Variants in TRAF3IP3 observed in about 807,000 individuals in gnomAD.
The protein encoded by TRAF3IP3 is TRAF3-interacting JNK-activating modulator.
Under a neutral mutation model 86.5 loss-of-function variants are expected in TRAF3IP3, and 64 were observed. That is an observed-to-expected ratio of 0.74 (90% CI 0.60 to 0.91). The LOEUF is 0.91. Ranked by LOEUF, TRAF3IP3 falls within the 40% of genes least tolerant of loss-of-function variation. The pLI is 0.00. For missense variants in TRAF3IP3, 579 were observed against 642.9 expected, an observed-to-expected ratio of 0.90 and a Z score of 1.07; for synonymous variants, 220 against 243.9, an observed-to-expected ratio of 0.90 and a Z score of 0.91.
intron 8 of TRAF3IP3, chr1:209,768,632 A>G: frequency 9.1e-6 from 9 of 985,820 alleles, no homozygotes; most frequent in Non-Finnish European, 1.1e-5. Context: ...ACGCAGAAGC[A>G]GGAGCTGAAG....
intron 8 of TRAF3IP3, among the ~76,000 whole-genome samples, chr1:209,764,287 A>G (rs2077299233): frequency 1.3e-5 from 2 of 152,216 alleles, no homozygotes; most frequent in Non-Finnish European, 2.9e-5. Context: ...ACTAAACAAT[A>G]CAAAAACATG....
At chr1:209,772,652 C>G (rs977669439) in intron 8 of TRAF3IP3, among the ~76,000 whole-genome samples, 13 of 151,734 alleles carry the variant, frequency 8.6e-5, no homozygotes, top group African/African-American at 2.9e-4. Flanking sequence ...GAAAGGGTAG[C>G]TTAGAAGCTT....
rs770934984 is a variant in TRAF3IP3 at position 209,762,882 on chromosome 1, AC to A, written c.551+15del. On this transcript the variant is annotated intron_variant, in intron 5 of 16. Coordinates refer to ENST00000367025, the MANE Select transcript of TRAF3IP3 (RefSeq NM_025228.4). ...AGTCAGCAAACCAAGTGAGTTCCTGACCCTAACCCTCTCACATCCCATCCAT... is the reference window on the plus strand; with the variant it reads ...AGTCAGCAAACCAAGTGAGTTCCTGACCTAACCCTCTCACATCCCATCCAT... The A allele has an allele frequency of 2.6e-5, 42 of 1,614,068 alleles. No individual in the cohort carries two copies. The South Asian group carries it at 4.3e-4, about 16-fold the overall frequency.
In TRAF3IP3 at chr1:209,770,955, T is replaced by G. The variant is rs543218242; in HGVS notation, c.703-1993T>G. ...GTGCAGGTGGAGGTGTGCGTGTGCATGTGGAGGGGTGCGTGTGCATGTGGA... is the reference window on the plus strand; with the variant it reads ...GTGCAGGTGGAGGTGTGCGTGTGCAGGTGGAGGGGTGCGTGTGCATGTGGA... On this transcript the variant is annotated intron_variant, in intron 8 of 16. Transcript: ENST00000367025. 5.7e-3 allele frequency among the ~76,000 whole-genome samples: 606 copies of G among 105,948 alleles called. 2 individuals carry two copies. Among genetic ancestry groups the G allele is most frequent in the African/African-American group, 0.013 (351 of 27,092 alleles). The allele number at this position is 105,948 out of a possible 152,430, so 69.5% of individuals were successfully genotyped here.
At chr1:209,766,181 G>A (rs1336706689) in intron 8 of TRAF3IP3, among the ~76,000 whole-genome samples, 2 of 152,182 alleles carry the variant, frequency 1.3e-5, no homozygotes, top group Admixed American at 6.5e-5. Flanking sequence ...TGCTCCTCAC[G>A]TCAGACATTG....
intron 13 of TRAF3IP3, 66 bp downstream of exon 13, chr1:209,778,239 AC>A: frequency 7.1e-7 from 1 of 1,402,068 alleles, no homozygotes; most frequent in Non-Finnish European, 1.0e-6. Flanking sequence ...CACAAAAGGC[AC>A]CCAGAGTAGG....
intron 3 of TRAF3IP3, among the ~76,000 whole-genome samples, chr1:209,761,876 A>AG (rs1299772286): frequency 6.6e-6 from 1 of 150,808 alleles, no homozygotes; most frequent in African/African-American, 2.5e-5. Context: ...AGGTAGAGAG[A>AG]GAAAAAAAAA....
intron 8 of TRAF3IP3, among the ~76,000 whole-genome samples, chr1:209,765,560 A>G (rs2077341301): frequency 2.0e-5 from 3 of 152,070 alleles, no homozygotes; most frequent in Non-Finnish European, 4.4e-5. Flanking sequence ...TTAGGAACTC[A>G]GGAGGCTAAG....
At chr1:209,780,715 A>T (rs2077758971) in intron 15 of TRAF3IP3, 109 bp downstream of exon 15, 1 of 1,061,536 alleles carries the variant, frequency 9.4e-7, no homozygotes, top group Non-Finnish European at 1.3e-6. Flanking sequence ...GTGGATAACC[A>T]CAGACATTCA....
At chr1:209,771,152 G>A (rs1220140812) in intron 8 of TRAF3IP3, among the ~76,000 whole-genome samples, 3 of 148,092 alleles carry the variant, frequency 2.0e-5, no homozygotes, top group Non-Finnish European at 4.5e-5. Flanking sequence ...GTGTGCATGT[G>A]AAGGTTGTGT....
chr1:209,777,558 A>G (rs2102511660), intron 12 of TRAF3IP3, 71 bp downstream of exon 12: 1 of 1,460,970 alleles, frequency 6.8e-7, no homozygotes. Flanking sequence ...AAGAAACTGA[A>G]TTAAGAGAAA....
chr1:209,779,437 C>T (rs1252186576), intron 14 of TRAF3IP3, 63 bp downstream of exon 14: 1 of 1,426,684 alleles, frequency 7.0e-7, no homozygotes. Flanking sequence ...CTAGAGGCAG[C>T]GGGATGGACT....
chr1:209,761,734 C>T (rs2077248259), intron 3 of TRAF3IP3, among the ~76,000 whole-genome samples: 1 of 152,262 alleles, frequency 6.6e-6, no homozygotes, highest in South Asian at 2.1e-4. Flanking sequence ...CTATTCCAAA[C>T]TCCTCACTAC....
At chr1:209,775,248 G>T (rs1229137942) in intron 9 of TRAF3IP3, 101 bp from the exon 10 acceptor site, 21 of 1,162,222 alleles carry the variant, frequency 1.8e-5, no homozygotes, top group Non-Finnish European at 2.4e-5. Context: ...TGGTATCTCT[G>T]CCTGGGGGAA....
intron 8 of TRAF3IP3, among the ~76,000 whole-genome samples, chr1:209,770,694 T>TGTGGAGGTGTGTGTGTGCAG (rs1558019024): frequency 9.1e-6 from 1 of 109,384 alleles, no homozygotes; most frequent in Non-Finnish European, 1.9e-5. Flanking sequence ...TGTGTGTGCA[T>TGTGGAGGTGTGTGTGTGCAG]GTGGAGGTGT....
chr1:209,761,839 G>A (rs1205938084), intron 3 of TRAF3IP3, among the ~76,000 whole-genome samples: 2 of 152,240 alleles, frequency 1.3e-5, no homozygotes, highest in African/African-American at 2.4e-5. Context: ...TCACCATGCT[G>A]GCTATGTAAG....
intron 8 of TRAF3IP3, among the ~76,000 whole-genome samples, chr1:209,767,553 G>T (rs964016963): frequency 1.3e-5 from 2 of 152,038 alleles, no homozygotes; most frequent in African/African-American, 4.8e-5. Context: ...AGCCATGCAT[G>T]GTGGTACACA....
chr1:209,768,658 C>G (rs1198634746), intron 8 of TRAF3IP3: 1 of 985,520 alleles, frequency 1.0e-6, no homozygotes, highest in African/African-American at 1.7e-5. Flanking sequence ...AGACCGGCAC[C>G]AGGTGTGTAT....
chr1:209,769,075 T>C (rs1310870538), intron 8 of TRAF3IP3, among the ~76,000 whole-genome samples: 1 of 152,126 alleles, frequency 6.6e-6, no homozygotes, highest in Non-Finnish European at 1.5e-5. Flanking sequence ...AGCCATACTA[T>C]GGAATGGGGA....
Sources: gnomAD v4.1 joint callset for allele counts (sites outside exome capture counted in the v4.1 genomes callset) on GRCh38, gnomAD v4.1.1 for gene constraint, MANE v1.5 for transcripts, NCBI Gene and HGNC (gene_info 2026-07-23, HGNC 2026-07-21) for gene names.